The following DPYSL3 variants were observed in gnomAD, a reference collection of about 807,000 sequenced individuals.
DPYSL3 encodes the protein dihydropyrimidinase like 3, also known as dihydropyrimidinase-related protein 3.
DPYSL3 carries 16 observed loss-of-function variants against 66.1 expected under a neutral mutation model. That is an observed-to-expected ratio of 0.24 (90% CI 0.16 to 0.37). The LOEUF (loss-of-function observed/expected upper bound fraction) is 0.37, where lower values mean the gene tolerates loss of function less well. Among genes scored for constraint, DPYSL3 ranks in the 10% least tolerant of loss-of-function variants. The probability of loss-of-function intolerance (pLI) is 1.00; values close to 1 mark genes in which losing one functional copy is unlikely to be tolerated. For missense variants in DPYSL3, 738 were observed against 916.2 expected (o/e 0.81, Z 2.51); for synonymous variants, 338 against 345.1 (o/e 0.98, Z 0.23).
At chr5:147,487,989 T>C (rs1485532032) in intron 1 of DPYSL3, among the ~76,000 whole-genome samples, 2 of 152,248 alleles carry the variant, frequency 1.3e-5, no homozygotes, top group Non-Finnish European at 1.5e-5. Flanking sequence ...TAGTCTTCTC[T>C]CCCTATCAAT....
At chr5:147,411,756 C>A (rs1751858351) in intron 6 of DPYSL3, among the ~76,000 whole-genome samples, 4 of 152,154 alleles carry the variant, frequency 2.6e-5, no homozygotes. Flanking sequence ...TGGTCAACTT[C>A]TAAAATAAAA....
chr5:147,431,491 T>A (rs931963710), intron 1 of DPYSL3, among the ~76,000 whole-genome samples: 2 of 152,116 alleles, frequency 1.3e-5, no homozygotes, highest in Non-Finnish European at 2.9e-5. Flanking sequence ...GCATACTATA[T>A]ATAAAGGGTT....
intron 1 of DPYSL3, among the ~76,000 whole-genome samples, chr5:147,453,327 G>C (rs1752773747): frequency 6.6e-6 from 1 of 152,202 alleles, no homozygotes; most frequent in Non-Finnish European, 1.5e-5. Context: ...CCGTGCCACT[G>C]TTTGGGTTTC....
intron 1 of DPYSL3, among the ~76,000 whole-genome samples, chr5:147,451,357 C>A (rs968393973): frequency 6.6e-6 from 1 of 152,152 alleles, no homozygotes; most frequent in African/African-American, 2.4e-5. Context: ...CAGCACCACG[C>A]CCCACACACA....
intron 1 of DPYSL3, among the ~76,000 whole-genome samples, chr5:147,496,940 C>T (rs1753525411): frequency 2.0e-5 from 3 of 152,154 alleles, no homozygotes; most frequent in Admixed American, 6.5e-5. Context: ...GCCATAAAGA[C>T]ACATGCACAC....
At chr5:147,413,520 T>G in intron 5 of DPYSL3, 76 bp downstream of exon 5, 2 of 1,218,250 alleles carry the variant, frequency 1.6e-6, no homozygotes, top group South Asian at 2.5e-5. Context: ...TGATTCATGT[T>G]ACAAGGGCCA....
intron 1 of DPYSL3, among the ~76,000 whole-genome samples, chr5:147,494,008 C>T (rs1156701949): frequency 6.6e-6 from 1 of 152,092 alleles, no homozygotes; most frequent in Admixed American, 6.5e-5. Context: ...GCCTGGCCAA[C>T]ATGGTGAAAC....
chr5:147,484,791 T>C (rs555775424), intron 1 of DPYSL3, among the ~76,000 whole-genome samples: 2 of 152,314 alleles, frequency 1.3e-5, no homozygotes, highest in East Asian at 3.9e-4. Flanking sequence ...TTTGACGTGG[T>C]TTGTTAACTG....
At chr5:147,469,501 G>A (rs1268191429) in intron 1 of DPYSL3, among the ~76,000 whole-genome samples, 2 of 152,182 alleles carry the variant, frequency 1.3e-5, no homozygotes, top group Non-Finnish European at 2.9e-5. Context: ...TAAAATGTTG[G>A]AGAGGTCCTG....
chr5:147,432,568 G>C (rs1192144443), intron 1 of DPYSL3, among the ~76,000 whole-genome samples: 1 of 152,178 alleles, frequency 6.6e-6, no homozygotes, highest in Non-Finnish European at 1.5e-5. Context: ...TCCAGACACA[G>C]ATAAGTACAA....
intron 1 of DPYSL3, among the ~76,000 whole-genome samples, chr5:147,441,038 T>C (rs1454297585): frequency 6.6e-6 from 1 of 152,240 alleles, no homozygotes; most frequent in Non-Finnish European, 1.5e-5. Flanking sequence ...TACACAATTA[T>C]GGTTGAAAAT....
At chr5:147,412,792 G>A (rs1261971622) in intron 5 of DPYSL3, 104 bp from the exon 6 acceptor site, 2 of 991,488 alleles carry the variant, frequency 2.0e-6, no homozygotes, top group African/African-American at 1.6e-5. Flanking sequence ...ATAAAGCAGA[G>A]GAAATAAGTC....
chr5:147,472,664 C>A (rs1245878745), intron 1 of DPYSL3: 1 of 152,128 alleles, frequency 6.6e-6, no homozygotes, highest in Non-Finnish European at 1.5e-5. Flanking sequence ...TATGACCCTG[C>A]CTTTAAGTAT....
chr5:147,431,144 T>C (rs1752308229), intron 1 of DPYSL3, among the ~76,000 whole-genome samples: 1 of 152,192 alleles, frequency 6.6e-6, no homozygotes, highest in Non-Finnish European at 1.5e-5. Flanking sequence ...TCAGGATGGA[T>C]AGACTGCATG....
chr5:147,496,522 G>T (rs1394277432), intron 1 of DPYSL3, among the ~76,000 whole-genome samples: 1 of 151,788 alleles, frequency 6.6e-6, no homozygotes, highest in Admixed American at 6.6e-5. Context: ...CTAATATCCA[G>T]AATCTACAAT....
In DPYSL3 at chr5:147,399,212, G is replaced by A; in HGVS notation, c.1493C>T (p.Thr498Ile). 6.2e-7 allele frequency: 1 copy of A among 1,614,188 alleles called. No individual in the cohort carries two copies. The highest frequency in any genetic ancestry group is 8.5e-7 in the Non-Finnish European group (1 of 1,180,038). ...GAAGATCTTGGCAGCGTTTGTGCTTGTCACAGCCACGAACTGGTTTTCGTC... is the reference window on the plus strand; with the variant it reads ...GAAGATCTTGGCAGCGTTTGTGCTTATCACAGCCACGAACTGGTTTTCGTC... ...KMDENQFVAV[T>I]STNAAKIFNL... Residue 498 changes from threonine (T) to isoleucine (I), a missense_variant, in exon 11 of 14, where the codon ACA becomes ATA. Coordinates refer to ENST00000343218, the MANE Select transcript of DPYSL3 (RefSeq NM_001197294.2).
In DPYSL3 at chr5:147,405,644, A is replaced by C; in HGVS notation, c.1119T>G (p.Ser373Arg). ...PLYVTKVMSK[S>R]AADLISQARK... ...TGGCTTGTGAGATGAGGTCAGCTGC[A>C]CTCTTGCTCATGACCTTTGTGACGT... Residue 373 changes from serine (S) to arginine (R), a missense_variant, in exon 8 of 14, where the codon AGT becomes AGG. Transcript: ENST00000343218. 2 of 1,613,758 alleles carry C rather than the reference A, an allele frequency of 1.2e-6. No individual in the cohort carries two copies. The highest frequency in any genetic ancestry group is 1.1e-5 in the South Asian group (1 of 91,040).
chr5:147,454,311 G>C (rs909915422), intron 1 of DPYSL3: 6 of 152,264 alleles, frequency 3.9e-5, no homozygotes, highest in Non-Finnish European at 1.5e-5. Flanking sequence ...TGCTGCTCGC[G>C]GGGTGGTAAA....
intron 1 of DPYSL3, among the ~76,000 whole-genome samples, chr5:147,430,574 GAGAA>G (rs1016459617): frequency 4.6e-4 from 69 of 151,572 alleles, no homozygotes; most frequent in African/African-American, 1.6e-3. Context: ...GGGAGAAAAG[GAGAA>G]AGAGAGGAAA....
Sources: allele counts gnomAD v4.1 joint callset (sites outside exome capture counted in the v4.1 genomes callset), GRCh38; gene constraint gnomAD v4.1.1; transcripts MANE v1.5; gene names NCBI Gene and HGNC (gene_info 2026-07-23, HGNC 2026-07-21).